SLC4A10: variants seen among roughly 807,000 people sequenced by gnomAD.
SLC4A10 encodes the protein sodium-driven chloride bicarbonate exchanger.
Under a neutral mutation model 137.7 loss-of-function variants are expected in SLC4A10, and 42 were observed. The observed-to-expected ratio is 0.30, with a 90% CI of 0.24 to 0.39. The LOEUF is 0.39. Ranked by LOEUF, SLC4A10 falls within the 10% of genes least tolerant of loss-of-function variation. The pLI, the probability that SLC4A10 is intolerant of heterozygous loss-of-function variation, is 1.00. For missense variants in SLC4A10, 925 were observed against 1,355.0 expected, an observed-to-expected ratio of 0.68 and a Z score of 4.98; for synonymous variants, 474 against 464.1, an observed-to-expected ratio of 1.02 and a Z score of -0.27.
At chr2:161,778,217 G>C (rs1363161105) in intron 2 of SLC4A10, among the ~76,000 whole-genome samples, 1 of 151,794 alleles carries the variant, frequency 6.6e-6, no homozygotes, top group Non-Finnish European at 1.5e-5. Flanking sequence ...TCATTTGCTA[G>C]TGTTTTCCTC....
Position 161,947,724 on chromosome 2 carries a change from C to G in SLC4A10, c.2262C>G (p.Thr754=). The change falls in exon 17 of 27, where the codon ACC becomes ACG. Residue 754 remains threonine (T), a synonymous_variant. Transcript: ENST00000446997. Reference sequence around the variant, plus strand: ...TCAAGACTAGCAGATATTTTCCAACCAAGGTACTTAGACTATTTCTTGATC... The same window carrying G: ...TCAAGACTAGCAGATATTTTCCAACGAAGGTACTTAGACTATTTCTTGATC... ...KQFKTSRYFP[T]KVRSIVSDFA... 6.2e-7 allele frequency: 1 copy of G among 1,611,312 alleles called. No individual in the cohort carries two copies. Among genetic ancestry groups the G allele is most frequent in the Non-Finnish European group, 8.5e-7 (1 of 1,178,610 alleles).
chr2:161,827,186 G>A (rs2058069671), intron 3 of SLC4A10, among the ~76,000 whole-genome samples: 1 of 152,134 alleles, frequency 6.6e-6, no homozygotes, highest in Admixed American at 6.5e-5. Context: ...CCAGTGTTGA[G>A]TCTTCTTCTC....
chr2:161,628,196 G>T (rs1230146134), intron 1 of SLC4A10, among the ~76,000 whole-genome samples: 1 of 151,912 alleles, frequency 6.6e-6, no homozygotes, highest in African/African-American at 2.4e-5. Context: ...AAAATTATCA[G>T]GCCATGGAAG....
chr2:161,785,763 C>T (rs1349627409), intron 2 of SLC4A10, among the ~76,000 whole-genome samples: 1 of 151,856 alleles, frequency 6.6e-6, no homozygotes, highest in Non-Finnish European at 1.5e-5. Flanking sequence ...GAAAGCTTTT[C>T]CTCTAAGTTC....
At chr2:161,821,312 A>G (rs1459941638) in intron 3 of SLC4A10, among the ~76,000 whole-genome samples, 1 of 152,102 alleles carries the variant, frequency 6.6e-6, no homozygotes, top group African/African-American at 2.4e-5. Flanking sequence ...AAATTTTTCT[A>G]TGTTATTTAT....
chr2:161,702,274 T>C (rs144076009), intron 1 of SLC4A10, among the ~76,000 whole-genome samples: 59 of 152,016 alleles, frequency 3.9e-4, no homozygotes, highest in African/African-American at 1.2e-3. Flanking sequence ...TGGAGGTCAT[T>C]ATGTTAAGTG....
chr2:161,979,723 T>C (rs1479480571), intron 26 of SLC4A10, among the ~76,000 whole-genome samples: 1 of 152,116 alleles, frequency 6.6e-6, no homozygotes, highest in Non-Finnish European at 1.5e-5. Context: ...CGTGGTAGAG[T>C]ATCCATTGGC....
At chr2:161,824,043 G>T (rs945163041) in intron 3 of SLC4A10, among the ~76,000 whole-genome samples, 10 of 152,140 alleles carry the variant, frequency 6.6e-5, no homozygotes, top group African/African-American at 2.4e-4. Context: ...TCGATGCTTT[G>T]TCCCTGAAGT....
intron 1 of SLC4A10, among the ~76,000 whole-genome samples, chr2:161,659,915 T>C (rs1399523919): frequency 6.6e-6 from 1 of 152,024 alleles, no homozygotes; most frequent in Non-Finnish European, 1.5e-5. Context: ...AGACCAAATA[T>C]TGTGTGATTC....
chr2:161,850,546 G>A lies in SLC4A10; in HGVS notation c.417-4424G>A, dbSNP rs539647376. Among the ~76,000 whole-genome samples, 10 of 152,078 alleles carry A rather than the reference G, an allele frequency of 6.6e-5. No individual in the cohort carries two copies. The East Asian group carries it at 1.7e-3, about 26-fold the overall frequency. The stretch of plus-strand genomic sequence containing the variant: ...TCTTAGGGTTTTTGTATTTCTGTCG[G>A]GTTAGTAGTAATGTCTCCTTTGTTT... On this transcript the variant is annotated intron_variant, in intron 4 of 26. Transcript: ENST00000446997.
chr2:161,762,727 G>A (rs950610611), intron 1 of SLC4A10, among the ~76,000 whole-genome samples: 8 of 151,992 alleles, frequency 5.3e-5, no homozygotes, highest in African/African-American at 1.9e-4. Flanking sequence ...AATATGGTAC[G>A]TGAGATGTTA....
intron 3 of SLC4A10, among the ~76,000 whole-genome samples, chr2:161,808,046 T>C (rs112551813): frequency 1.3e-5 from 2 of 152,246 alleles, no homozygotes; most frequent in African/African-American, 4.8e-5. Flanking sequence ...ATTTAAATCA[T>C]TTCCTTTATT....
chr2:161,760,831 C>T (rs2050178778), intron 1 of SLC4A10, among the ~76,000 whole-genome samples: 1 of 151,474 alleles, frequency 6.6e-6, no homozygotes, highest in Admixed American at 6.6e-5. Flanking sequence ...TTTTGTGGCC[C>T]CAATAGTACA....
At chr2:161,785,899 G>A (rs2053571486) in intron 2 of SLC4A10, among the ~76,000 whole-genome samples, 9 of 151,848 alleles carry the variant, frequency 5.9e-5, no homozygotes, top group Admixed American at 5.9e-4. Flanking sequence ...TTCTGTGGTC[G>A]TTGAATGGAA....
chr2:161,959,142 G>A (rs570313978), intron 21 of SLC4A10, among the ~76,000 whole-genome samples: 4 of 152,320 alleles, frequency 2.6e-5, no homozygotes, highest in Admixed American at 2.6e-4. Context: ...GTGAAGGAAG[G>A]TGTAGAAATA....
At chr2:161,770,454 T>C (rs374495495) in intron 1 of SLC4A10, among the ~76,000 whole-genome samples, 12 of 152,022 alleles carry the variant, frequency 7.9e-5, no homozygotes, top group African/African-American at 2.6e-4. Flanking sequence ...TGCATTATAC[T>C]GAAGCAAAGT....
chr2:161,808,935 T>G (rs779048117), intron 3 of SLC4A10, among the ~76,000 whole-genome samples: 6 of 152,172 alleles, frequency 3.9e-5, no homozygotes, highest in Non-Finnish European at 7.4e-5. Context: ...TACCCAGTAA[T>G]GGGATTGCTG....
In SLC4A10 at chr2:161,983,462, C is replaced by T. The variant is rs1700492894; in HGVS notation, c.*310C>T. ...TAGCCAATGCAAGAATCTGTGTGTT[C>T]CTTGCTGTACGTTAGACATTTGTAA... On this transcript the variant is annotated 3_prime_UTR_variant, in exon 27 of 27. Coordinates refer to ENST00000446997, the MANE Select transcript of SLC4A10 (RefSeq NM_001178015.2). 1 of 511,762 alleles carries T rather than the reference C, an allele frequency of 2.0e-6. No individual in the cohort carries two copies. Among genetic ancestry groups the T allele is most frequent in the African/African-American group, 2.0e-5 (1 of 51,058 alleles). 31.7% of individuals were successfully genotyped at this position (511,762 alleles called of 1,614,324 possible). A position where few individuals can be genotyped will look rare whatever the true frequency, so the allele number is the denominator to read the frequency against.
chr2:161,970,893 G>A (rs967153929), intron 23 of SLC4A10, among the ~76,000 whole-genome samples: 1 of 152,304 alleles, frequency 6.6e-6, no homozygotes, highest in South Asian at 2.1e-4. Context: ...CCTCTACTCA[G>A]CACAGACTTT....
Sources: gnomAD v4.1 joint callset for allele counts (sites outside exome capture counted in the v4.1 genomes callset) on GRCh38, gnomAD v4.1.1 for gene constraint, MANE v1.5 for transcripts, NCBI Gene and HGNC (gene_info 2026-07-23, HGNC 2026-07-21) for gene names.